Variants in CACNB4 observed in about 807,000 individuals in gnomAD.
CACNB4 encodes calcium voltage-gated channel auxiliary subunit beta 4.
A neutral mutation model predicts 71.2 loss-of-function variants in CACNB4; 32 were observed. The observed-to-expected ratio is 0.45, with a 90% CI of 0.34 to 0.60. The LOEUF is 0.60. Ranked by LOEUF, CACNB4 falls within the 20% of genes least tolerant of loss-of-function variation. The pLI, the probability that CACNB4 is intolerant of heterozygous loss-of-function variation, is 0.01. For missense variants in CACNB4, 464 were observed against 647.9 expected (o/e 0.72, Z 3.08); for synonymous variants, 231 against 236.9 (o/e 0.97, Z 0.23).
intron 2 of CACNB4, among the ~76,000 whole-genome samples, chr2:152,058,248 C>T (rs1021467438): frequency 6.6e-6 from 1 of 152,054 alleles, no homozygotes; most frequent in Non-Finnish European, 1.5e-5. Context: ...TGAAAACAGA[C>T]TAATACAGTA....
chr2:151,897,283 T>C (rs1426782144), intron 2 of CACNB4, among the ~76,000 whole-genome samples: 4 of 152,204 alleles, frequency 2.6e-5, no homozygotes, highest in African/African-American at 9.6e-5. Context: ...CTGAGGTCTG[T>C]TGTTAAAGAT....
At chr2:152,041,547 T>G (rs1017490768) in intron 2 of CACNB4, among the ~76,000 whole-genome samples, 2 of 152,044 alleles carry the variant, frequency 1.3e-5, no homozygotes, top group Non-Finnish European at 2.9e-5. Context: ...GTTATGAGAG[T>G]TTACTAAAAT....
At chr2:152,012,230 G>A (rs928576355) in intron 2 of CACNB4, among the ~76,000 whole-genome samples, 4 of 152,074 alleles carry the variant, frequency 2.6e-5, no homozygotes, top group Non-Finnish European at 5.9e-5. Context: ...CTTCCAGTGC[G>A]AAAAGATGTG....
chr2:151,837,003 T>A lies in CACNB4; in HGVS notation c.*2116A>T, dbSNP rs1467072235. ...GAAAAATGTTTTGGCTAATGTTTTC[T>A]TTCTCATGCAAGTATGTGCTGTACA... On this transcript the variant is annotated 3_prime_UTR_variant, in exon 14 of 14. Transcript: ENST00000539935. The A allele has an allele frequency of 6.6e-6, 1 of 152,010 alleles. No individual in the cohort carries two copies. Among genetic ancestry groups the A allele is most frequent in the African/African-American group, 2.4e-5 (1 of 41,446 alleles). The allele number at this position is 152,010 out of a possible 1,614,324, so 9.4% of individuals were successfully genotyped here.
intron 2 of CACNB4, among the ~76,000 whole-genome samples, chr2:151,912,845 G>A (rs1157897486): frequency 6.6e-6 from 1 of 152,076 alleles, no homozygotes; most frequent in Non-Finnish European, 1.5e-5. Flanking sequence ...TATGAATCTG[G>A]GTGCTCCTGT....
Position 152,054,344 on chromosome 2 carries a change from C to T in CACNB4, c.147+43986G>A, listed in dbSNP as rs1159772199. ...TCGCGCCACTGCACTCCAGCCTGGG[C>T]GACAAAGCAAAACTCCGTCTCAAAA... On this transcript the variant is annotated intron_variant, in intron 2 of 13. Coordinates refer to ENST00000539935, the MANE Select transcript of CACNB4 (RefSeq NM_000726.5). 9.1e-5 allele frequency among the ~76,000 whole-genome samples: 10 copies of T among 110,176 alleles called. No homozygotes were observed. The Admixed American group carries it at 1.0e-3, about 11-fold the overall frequency. 72.3% of individuals were successfully genotyped at this position (110,176 alleles called of 152,430 possible). A position where few individuals can be genotyped will look rare whatever the true frequency, so the allele number is the denominator to read the frequency against.
At chr2:152,018,414 AAATAAT>A (rs915871494) in intron 2 of CACNB4, among the ~76,000 whole-genome samples, 1 of 152,098 alleles carries the variant, frequency 6.6e-6, no homozygotes, top group African/African-American at 2.4e-5. Flanking sequence ...AACGTGGTAA[AAATAAT>A]AATAATAATA....
chr2:152,072,329 G>A (rs756044863), intron 2 of CACNB4, among the ~76,000 whole-genome samples: 10 of 152,208 alleles, frequency 6.6e-5, no homozygotes, highest in Non-Finnish European at 1.3e-4. Context: ...CACGGAGCTG[G>A]CTCCAAGACA....
At chr2:151,852,477 A>T (rs1312384644) in intron 12 of CACNB4, 1 of 152,234 alleles carries the variant, frequency 6.6e-6, no homozygotes, top group Non-Finnish European at 1.5e-5. Context: ...TGTATCCAGT[A>T]ATTATAATAA....
chr2:151,873,045 T>C (rs2099845036), intron 5 of CACNB4: 1 of 152,182 alleles, frequency 6.6e-6, no homozygotes, highest in Non-Finnish European at 1.5e-5. Context: ...ACTTTTTGTC[T>C]TTGACAAAAA....
chr2:152,095,675 T>C (rs888124844), intron 2 of CACNB4, among the ~76,000 whole-genome samples: 4 of 152,160 alleles, frequency 2.6e-5, no homozygotes, highest in Non-Finnish European at 4.4e-5. Context: ...GTTTGTTTGA[T>C]GGAGTCCTGC....
intron 2 of CACNB4, among the ~76,000 whole-genome samples, chr2:152,012,669 T>C (rs534352835): frequency 6.6e-6 from 1 of 151,994 alleles, no homozygotes; most frequent in East Asian, 1.9e-4. Flanking sequence ...AGAAAATATA[T>C]TTACACAGAA....
rs2099835577 is a variant in CACNB4 at position 151,839,318 on chromosome 2, A to T, written c.1364T>A (p.Leu455Gln). The change falls in exon 14 of 14, where the codon CTA (leucine) becomes CAA (glutamine). Residue 455 changes from leucine to glutamine, a missense_variant. By Grantham distance (113) the Leu-to-Gln change is moderately radical. Coordinates refer to ENST00000539935, the MANE Select transcript of CACNB4 (RefSeq NM_000726.5). ...TENSPIERRS[L>Q]MTSDENYHNE... ...GTGATAATTTTCATCAGAGGTCATT[A>T]GACTTCGTCTTTCAATTGGAGAGTT... 1 of 1,613,304 alleles carries T rather than the reference A, an allele frequency of 6.2e-7. No individual in the cohort carries two copies. The highest frequency in any genetic ancestry group is 8.5e-7 in the Non-Finnish European group (1 of 1,179,372).
intron 2 of CACNB4, 100 bp from the exon 3 acceptor site, chr2:151,883,470 A>T: frequency 8.9e-7 from 1 of 1,124,792 alleles, no homozygotes; most frequent in Admixed American, 1.8e-5. Context: ...TTTGCCTAAA[A>T]TTTGATGCAC....
At chr2:152,012,435 C>G (rs1683110440) in intron 2 of CACNB4, among the ~76,000 whole-genome samples, 1 of 152,018 alleles carries the variant, frequency 6.6e-6, no homozygotes, top group Non-Finnish European at 1.5e-5. Context: ...GAAACGCAGC[C>G]TCTACTAAAA....
chr2:152,062,349 C>A (rs16830672), intron 2 of CACNB4, among the ~76,000 whole-genome samples: 5,523 of 152,198 alleles, frequency 0.036, 142 homozygotes, highest in Non-Finnish European at 0.055. Flanking sequence ...GAGTTGACAC[C>A]GCCATTGAGT....
In CACNB4 at chr2:151,876,559, G is replaced by A; in HGVS notation, c.391-3C>T. 1 of 1,511,756 alleles carries A rather than the reference G, an allele frequency of 6.6e-7. No individual in the cohort carries two copies. Among genetic ancestry groups the A allele is most frequent in the Non-Finnish European group, 8.9e-7 (1 of 1,121,262 alleles). 93.6% of individuals were successfully genotyped at this position (1,511,756 alleles called of 1,614,324 possible). On this transcript the variant is annotated splice_region_variant and splice_polypyrimidine_tract_variant and intron_variant, in intron 4 of 13. Coordinates refer to ENST00000539935, the MANE Select transcript of CACNB4 (RefSeq NM_000726.5). ...ATCCACCAATCATTGTTATATTTCT[G>A]GAATTCAGAAATAAAATTGCTATCA...
intron 2 of CACNB4, among the ~76,000 whole-genome samples, chr2:152,086,038 TA>T (rs1687643998): frequency 6.6e-6 from 1 of 152,136 alleles, no homozygotes; most frequent in African/African-American, 2.4e-5. Flanking sequence ...AATAAATAAA[TA>T]AAATACTTGT....
chr2:151,974,266 T>C (rs909490693), intron 2 of CACNB4, among the ~76,000 whole-genome samples: 1 of 152,170 alleles, frequency 6.6e-6, no homozygotes, highest in Non-Finnish European at 1.5e-5. Context: ...TCAGAGAATA[T>C]CATGTAAAGA....
Sources: gnomAD v4.1 joint callset for allele counts (sites outside exome capture counted in the v4.1 genomes callset) on GRCh38, gnomAD v4.1.1 for gene constraint, MANE v1.5 for transcripts, NCBI Gene and HGNC (gene_info 2026-07-23, HGNC 2026-07-21) for gene names.